Variants in HPSE2 observed in about 807,000 individuals in gnomAD.
HPSE2 encodes the protein heparanase 2 (inactive).
In HPSE2, 38 loss-of-function variants were observed where a neutral mutation model predicts 60.5. The observed-to-expected ratio is 0.63, with a 90% confidence interval of 0.48 to 0.82. The LOEUF is 0.82. HPSE2 is among the 40% of genes least tolerant of loss of function. The pLI is 0.00. For synonymous variants in HPSE2, 295 were observed against 293.2 expected, an observed-to-expected ratio of 1.01 and a Z score of -0.06; for missense variants, 713 against 740.4, an observed-to-expected ratio of 0.96 and a Z score of 0.43.
chr10:98,938,530 G>C (rs1954882620), intron 3 of HPSE2, among the ~76,000 whole-genome samples: 2 of 143,612 alleles, frequency 1.4e-5, no homozygotes, highest in South Asian at 2.1e-4. Flanking sequence ...AAGAAGGGAA[G>C]TTTAGAGAAA....
intron 9 of HPSE2, among the ~76,000 whole-genome samples, chr10:98,541,436 CAT>C (rs1245423283): frequency 3.3e-5 from 5 of 152,196 alleles, no homozygotes; most frequent in Admixed American, 6.5e-5. Context: ...GTACCGGGTT[CAT>C]CTCACTAGGG....
At chr10:98,828,183 TTC>T (rs1455290465) in intron 3 of HPSE2, among the ~76,000 whole-genome samples, 14 of 152,242 alleles carry the variant, frequency 9.2e-5, no homozygotes, top group Non-Finnish European at 2.1e-4. Context: ...AGTCTATTGG[TTC>T]TGTTTCTCTG....
At chr10:98,586,053 A>G (rs940679733) in intron 9 of HPSE2, among the ~76,000 whole-genome samples, 1 of 152,188 alleles carries the variant, frequency 6.6e-6, no homozygotes, top group African/African-American at 2.4e-5. Context: ...ATTATGGCAT[A>G]ACATTGATAC....
At chr10:98,867,649 C>T (rs1347811550) in intron 3 of HPSE2, among the ~76,000 whole-genome samples, 4 of 152,160 alleles carry the variant, frequency 2.6e-5, no homozygotes, top group South Asian at 4.1e-4. Flanking sequence ...TGGATATACA[C>T]CCCAAAGAAA....
chr10:99,273,299 A>C, the HPSE2 span, among the ~76,000 whole-genome samples: 1 of 152,194 alleles, frequency 6.6e-6, no homozygotes, highest in Non-Finnish European at 1.5e-5. Context: ...ATAAAAGACT[A>C]CACAATGGCT....
chr10:98,614,056 T>C (rs1008213785), intron 9 of HPSE2, among the ~76,000 whole-genome samples: 8 of 152,142 alleles, frequency 5.3e-5, no homozygotes, highest in African/African-American at 7.2e-5. Flanking sequence ...AATCCCCTCA[T>C]TGTCACACGG....
At chr10:99,129,304 A>G (rs1845289784) in intron 3 of HPSE2, among the ~76,000 whole-genome samples, 1 of 152,190 alleles carries the variant, frequency 6.6e-6, no homozygotes, top group Non-Finnish European at 1.5e-5. Context: ...ATATTTACAG[A>G]ACATTCTACT....
At chr10:99,119,351 A>G (rs2135706615) in intron 3 of HPSE2, among the ~76,000 whole-genome samples, 1 of 152,318 alleles carries the variant, frequency 6.6e-6, no homozygotes, top group Admixed American at 6.5e-5. Context: ...AACTGCCACA[A>G]AAAGAATAAA....
chr10:99,018,373 G>A (rs2135419197), intron 3 of HPSE2, among the ~76,000 whole-genome samples: 1 of 152,270 alleles, frequency 6.6e-6, no homozygotes. Context: ...GCAGCCTCAA[G>A]TATTCTCTCC....
chr10:98,752,178 C>T (rs921124003), intron 3 of HPSE2, among the ~76,000 whole-genome samples: 4 of 152,000 alleles, frequency 2.6e-5, no homozygotes, highest in Non-Finnish European at 4.4e-5. Context: ...GAAAAATAAA[C>T]ACTATTATGA....
the HPSE2 span, among the ~76,000 whole-genome samples, chr10:99,284,500 C>T: frequency 6.6e-6 from 1 of 152,162 alleles, no homozygotes; most frequent in Middle Eastern, 3.4e-3. Flanking sequence ...GATCAAAGAC[C>T]TAAAATTAAG....
At chr10:98,945,424 G>A (rs1250324082) in intron 3 of HPSE2, among the ~76,000 whole-genome samples, 5 of 152,086 alleles carry the variant, frequency 3.3e-5, no homozygotes, top group African/African-American at 1.2e-4. Context: ...CATATTTGTA[G>A]ATGATACAGA....
At chr10:98,536,072 A>G (rs1301227839) in intron 9 of HPSE2, among the ~76,000 whole-genome samples, 1 of 152,156 alleles carries the variant, frequency 6.6e-6, no homozygotes, top group African/African-American at 2.4e-5. Context: ...GTCCCATCTC[A>G]TTTGGGTCCA....
At chr10:98,914,462 C>G (rs1282664751) in intron 3 of HPSE2, among the ~76,000 whole-genome samples, 1 of 151,550 alleles carries the variant, frequency 6.6e-6, no homozygotes, top group Non-Finnish European at 1.5e-5. Context: ...AATTTAGTAT[C>G]CGTTGGGGCA....
intron 9 of HPSE2, among the ~76,000 whole-genome samples, chr10:98,496,610 T>G (rs1405928617): frequency 6.6e-6 from 1 of 152,222 alleles, no homozygotes; most frequent in Non-Finnish European, 1.5e-5. Context: ...TGACCAAAAT[T>G]AACTGCAATT....
chr10:99,039,332 G>A lies in HPSE2; in HGVS notation c.610+104906C>T, dbSNP rs112626078. ...ACATAGATCTAAGTTTTCACTCCTT[G>A]CTACCACTTATCTCAACTGTCTTGA... On this transcript the variant is annotated intron_variant, in intron 3 of 11. Coordinates refer to ENST00000370552, the MANE Select transcript of HPSE2 (RefSeq NM_021828.5). 1.9e-3 allele frequency among the ~76,000 whole-genome samples: 290 copies of A among 152,116 alleles called. 1 individual carries two copies. The highest frequency in any genetic ancestry group is 6.9e-3 in the African/African-American group (285 of 41,506).
chr10:98,876,944 T>G (rs1201698112), intron 3 of HPSE2, among the ~76,000 whole-genome samples: 1 of 151,910 alleles, frequency 6.6e-6, no homozygotes, highest in African/African-American at 2.4e-5. Context: ...CCTGTACATA[T>G]GTCTTCACTG....
chr10:99,179,633 T>G (rs1174331695), intron 2 of HPSE2, among the ~76,000 whole-genome samples: 1 of 151,978 alleles, frequency 6.6e-6, no homozygotes, highest in Non-Finnish European at 1.5e-5. Context: ...GGAAAAACAT[T>G]CCATGCTTAT....
At chr10:99,186,904 TCCC>T (rs1848050189) in intron 2 of HPSE2, among the ~76,000 whole-genome samples, 1 of 151,964 alleles carries the variant, frequency 6.6e-6, no homozygotes, top group Admixed American at 6.6e-5. Flanking sequence ...CACTTCAGTC[TCCC>T]TAGTAGCTGG....
Sources: gnomAD v4.1 joint callset for allele counts (sites outside exome capture counted in the v4.1 genomes callset) on GRCh38, gnomAD v4.1.1 for gene constraint, MANE v1.5 for transcripts, NCBI Gene and HGNC (gene_info 2026-07-23, HGNC 2026-07-21) for gene names.